ACSM3: variants seen among roughly 807,000 people sequenced by gnomAD.
The protein encoded by ACSM3 is acyl-coenzyme A synthetase ACSM3, mitochondrial.
In ACSM3, 61 loss-of-function variants were observed where a neutral mutation model predicts 74.1. The observed-to-expected ratio is 0.82, with a 90% CI of 0.67 to 1.02. The LOEUF is 1.02. Ranked by LOEUF, ACSM3 falls within the 50% of genes least tolerant of loss-of-function variation. The pLI is 0.00. For missense variants in ACSM3, 660 were observed against 697.0 expected (o/e 0.95, Z 0.60); for synonymous variants, 213 against 241.5 (o/e 0.88, Z 1.09).
chr16:20,747,878 C>T (rs1488470928), intron 1 of ACSM3, among the ~76,000 whole-genome samples: 3 of 152,186 alleles, frequency 2.0e-5, no homozygotes, highest in East Asian at 3.8e-4. Flanking sequence ...TGATGGCTCA[C>T]GCCTGTAATC....
At position 20,796,964 on chromosome 16, in the gene ACSM3, A is replaced by G; in HGVS notation, c.1753A>G (p.Thr585Ala). 1 of 1,612,376 alleles carries G rather than the reference A, an allele frequency of 6.2e-7. No individual in the cohort carries two copies. Among genetic ancestry groups the G allele is most frequent in the Non-Finnish European group, 8.5e-7 (1 of 1,179,296 alleles). The change falls in exon 14 of 14, where the codon ACA (threonine) becomes GCA (alanine). Residue 585 changes from threonine to alanine, a missense_variant. Transcript: ENST00000289416. Reference protein sequence around the residue: ...RNELRKKEWKTI With the variant: ...RNELRKKEWKAI ...TGAACTGAGGAAGAAAGAATGGAAGACAATTTAAAGTTGTTTCATTAATTA... is the reference window on the plus strand; with the variant it reads ...TGAACTGAGGAAGAAAGAATGGAAGGCAATTTAAAGTTGTTTCATTAATTA...
chr16:20,679,334 G>A (rs2079387366), intron 1 of ACSM3: 1 of 152,236 alleles, frequency 6.6e-6, no homozygotes, highest in Non-Finnish European at 1.5e-5. Context: ...CACACTGGAG[G>A]CTGGTCAGTC....
In ACSM3 at chr16:20,770,135, C is replaced by T; in HGVS notation, c.101C>T (p.Thr34Ile). 6.2e-7 allele frequency: 1 copy of T among 1,614,134 alleles called. No individual in the cohort carries two copies. The highest frequency in any genetic ancestry group is 8.5e-7 in the Non-Finnish European group (1 of 1,180,020). Reference sequence around the variant, plus strand: ...AGGGCACTGCATAAAGATAATAGAACAGCAACCCCTCAGAATTTCTCCAAC... The same window carrying T: ...AGGGCACTGCATAAAGATAATAGAATAGCAACCCCTCAGAATTTCTCCAAC... Reference protein sequence around the residue: ...SVRALHKDNRTATPQNFSNYE... With the variant: ...SVRALHKDNRIATPQNFSNYE... Residue 34 changes from threonine to isoleucine, a missense_variant, in exon 2 of 14, where the codon ACA (threonine) becomes ATA (isoleucine). Transcript: ENST00000289416.
chr16:20,744,089 C>G (rs1160066040), intron 1 of ACSM3, among the ~76,000 whole-genome samples: 1 of 152,060 alleles, frequency 6.6e-6, no homozygotes, highest in East Asian at 1.9e-4. Flanking sequence ...TTCAACCGGC[C>G]CAACACAAAT....
chr16:20,792,379 T>A lies in ACSM3; in HGVS notation c.1554+44T>A, dbSNP rs544668251. 309 of 1,607,314 alleles carry A rather than the reference T, an allele frequency of 1.9e-4. 2 individuals carry two copies. In the South Asian group the frequency reaches 3.2e-3, roughly 17 times the overall value. ...GTCAACTTTATAATTTGTTGGCAATTTAACACATACTTACAAACAGTAGCT... is the reference window on the plus strand; with the variant it reads ...GTCAACTTTATAATTTGTTGGCAATATAACACATACTTACAAACAGTAGCT... On this transcript the variant is annotated intron_variant, in intron 12 of 13. Coordinates refer to ENST00000289416, the MANE Select transcript of ACSM3 (RefSeq NM_005622.4).
intron 1 of ACSM3, among the ~76,000 whole-genome samples, chr16:20,675,908 A>G (rs1439239927): frequency 2.0e-5 from 3 of 152,330 alleles, no homozygotes; most frequent in African/African-American, 7.2e-5. Context: ...TTGTAGCACC[A>G]AAAGTGAAAA....
At chr16:20,747,619 C>T (rs1420974447) in intron 1 of ACSM3, among the ~76,000 whole-genome samples, 1 of 152,214 alleles carries the variant, frequency 6.6e-6, no homozygotes, top group Non-Finnish European at 1.5e-5. Context: ...TTTAGTTTTA[C>T]TTCTTTGAGC....
intron 1 of ACSM3, among the ~76,000 whole-genome samples, chr16:20,690,835 G>A (rs1365573089): frequency 6.6e-6 from 1 of 152,190 alleles, no homozygotes; most frequent in Non-Finnish European, 1.5e-5. Flanking sequence ...GTAAGGAAAT[G>A]GCCAGGCTGG....
At chr16:20,744,871 T>C (rs1045099418) in intron 1 of ACSM3, among the ~76,000 whole-genome samples, 2 of 152,240 alleles carry the variant, frequency 1.3e-5, no homozygotes, top group Admixed American at 6.5e-5. Context: ...TTGAGAATCC[T>C]TCCTTGTGCA....
At chr16:20,725,584 G>A (rs76148084) in intron 1 of ACSM3, 8,904 of 158,456 alleles carry the variant, frequency 0.056, 269 homozygotes, top group Middle Eastern at 0.17. Flanking sequence ...CTGTGTCATC[G>A]AGGGGGCTGT....
intron 1 of ACSM3, among the ~76,000 whole-genome samples, chr16:20,686,029 C>A (rs562800723): frequency 6.6e-6 from 1 of 151,946 alleles, no homozygotes; most frequent in East Asian, 1.9e-4. Flanking sequence ...CTTCTCTGTG[C>A]CTTAGTTTCT....
intron 1 of ACSM3, chr16:20,741,404 C>G (rs2079919647): frequency 1.4e-6 from 2 of 1,383,562 alleles, no homozygotes; most frequent in South Asian, 3.0e-5. Flanking sequence ...GCCGTCACGC[C>G]GACGACCCGA....
chr16:20,711,365 G>T, intron 1 of ACSM3: 1 of 434,676 alleles, frequency 2.3e-6, no homozygotes, highest in Non-Finnish European at 4.3e-6. Flanking sequence ...AGAGGTAACT[G>T]AAGGATGGAT....
intron 1 of ACSM3, among the ~76,000 whole-genome samples, chr16:20,739,829 T>TAA (rs66818518): frequency 2.1e-5 from 3 of 140,056 alleles, no homozygotes; most frequent in Non-Finnish European, 4.6e-5. Flanking sequence ...TCAAAAAAAT[T>TAA]AAAAAAAAAA....
chr16:20,789,628 G>C, intron 9 of ACSM3: 5 of 1,055,076 alleles, frequency 4.7e-6, no homozygotes, highest in Non-Finnish European at 7.3e-6. Context: ...AAGACCTATT[G>C]CTAAATGATA....
intron 2 of ACSM3, among the ~76,000 whole-genome samples, chr16:20,750,545 G>A (rs2079981759): frequency 6.6e-6 from 1 of 152,058 alleles, no homozygotes; most frequent in African/African-American, 2.4e-5. Context: ...GGGAGAGCGG[G>A]GCCTCTGAAT....
chr16:20,787,906 C>T (rs2080509050), intron 9 of ACSM3, among the ~76,000 whole-genome samples: 1 of 152,108 alleles, frequency 6.6e-6, no homozygotes, highest in Non-Finnish European at 1.5e-5. Context: ...AAGAACCACC[C>T]CCCGACAACC....
At chr16:20,770,842 T>C (rs754365044) in intron 2 of ACSM3, among the ~76,000 whole-genome samples, 2 of 152,166 alleles carry the variant, frequency 1.3e-5, no homozygotes, top group Non-Finnish European at 2.9e-5. Context: ...ATGAGGGTAA[T>C]TAGGCTACCC....
At chr16:20,733,286 G>T (rs1480873396) in intron 1 of ACSM3, among the ~76,000 whole-genome samples, 2 of 152,070 alleles carry the variant, frequency 1.3e-5, no homozygotes, top group Admixed American at 1.3e-4. Flanking sequence ...TCTATCTTGT[G>T]CCTGATTAAT....
Sources: gnomAD v4.1 joint callset for allele counts (sites outside exome capture counted in the v4.1 genomes callset) on GRCh38, gnomAD v4.1.1 for gene constraint, MANE v1.5 for transcripts, NCBI Gene and HGNC (gene_info 2026-07-23, HGNC 2026-07-21) for gene names.